ATRNL1: variants seen among roughly 807,000 people sequenced by gnomAD.
ATRNL1 encodes the protein attractin like 1, also known as attractin-like protein 1.
In ATRNL1, 95 loss-of-function variants were observed where a neutral mutation model predicts 182.7. The observed-to-expected ratio is 0.52, with a 90% CI of 0.44 to 0.62. The LOEUF is 0.62. Ranked by LOEUF, ATRNL1 falls within the 20% of genes least tolerant of loss-of-function variation. The pLI is 0.00. For missense variants in ATRNL1, 1,471 were observed against 1,679.5 expected (o/e 0.88, Z 2.17); for synonymous variants, 576 against 568.3 (o/e 1.01, Z -0.19).
chr10:115,481,954 A>C (rs1258879997), intron 24 of ATRNL1, among the ~76,000 whole-genome samples: 1 of 151,060 alleles, frequency 6.6e-6, no homozygotes, highest in African/African-American at 2.4e-5. Flanking sequence ...AAGGTATTAA[A>C]GTATGAGTAC....
At chr10:115,757,251 T>G (rs1948614904) in intron 27 of ATRNL1, among the ~76,000 whole-genome samples, 1 of 152,192 alleles carries the variant, frequency 6.6e-6, no homozygotes, top group African/African-American at 2.4e-5. Context: ...TTCTTCCTAG[T>G]GTCGATGTTC....
At chr10:115,750,821 A>G (rs1391662515) in intron 27 of ATRNL1, among the ~76,000 whole-genome samples, 12 of 152,072 alleles carry the variant, frequency 7.9e-5, no homozygotes, top group South Asian at 2.1e-4. Context: ...GATAGTTTGC[A>G]TAACATAAAT....
At chr10:115,341,579 AAGAT>A (rs1554938347) in intron 19 of ATRNL1, among the ~76,000 whole-genome samples, 1 of 152,108 alleles carries the variant, frequency 6.6e-6, no homozygotes, top group African/African-American at 2.4e-5. Flanking sequence ...TCTTCGAAGA[AAGAT>A]CTGTTCATAG....
At chr10:115,696,870 CGAGAGAGA>C (rs138252590) in intron 26 of ATRNL1, among the ~76,000 whole-genome samples, 40 of 134,046 alleles carry the variant, frequency 3.0e-4, no homozygotes, top group South Asian at 1.2e-3. Context: ...CATATCAGAG[CGAGAGAGA>C]GAGAGAGAGA....
Position 115,693,616 on chromosome 10 carries a change from A to G in ATRNL1, c.3796-33632A>G, listed in dbSNP as rs567862331. Among the ~76,000 whole-genome samples the G allele has an allele frequency of 2.0e-5, 3 of 152,252 alleles. No homozygotes were observed. In the South Asian group the frequency reaches 6.2e-4, roughly 32 times the overall value. Reference sequence around the variant, plus strand: ...TGAACATCACAGAGTTTCCTTAAAGAAACCCAGATAGGATAGCCTACTACA... The same window carrying G: ...TGAACATCACAGAGTTTCCTTAAAGGAACCCAGATAGGATAGCCTACTACA... On this transcript the variant is annotated intron_variant, in intron 26 of 28. Transcript: ENST00000355044.
At chr10:115,801,330 GA>G (rs1322409149) in intron 27 of ATRNL1, among the ~76,000 whole-genome samples, 1 of 152,120 alleles carries the variant, frequency 6.6e-6, no homozygotes, top group Non-Finnish European at 1.5e-5. Flanking sequence ...ACTTAAGGTG[GA>G]ATAGGGTACC....
intron 9 of ATRNL1, among the ~76,000 whole-genome samples, chr10:115,230,921 GAAA>G (rs1849919043): frequency 8.0e-6 from 1 of 125,284 alleles, no homozygotes; most frequent in East Asian, 2.6e-4. Flanking sequence ...GAGAGAGAGA[GAAA>G]GAGAGAAATA....
intron 27 of ATRNL1, among the ~76,000 whole-genome samples, chr10:115,841,919 T>C (rs1462526919): frequency 6.6e-6 from 1 of 152,070 alleles, no homozygotes; most frequent in Admixed American, 6.6e-5. Context: ...ACTCAGTAAA[T>C]TAATTCAATT....
In ATRNL1 at chr10:115,945,898, G is replaced by T. The variant is rs1326026125; in HGVS notation, c.*1119G>T. On this transcript the variant is annotated 3_prime_UTR_variant, in exon 29 of 29. Transcript: ENST00000355044. ...TCCATGTCCTGAGAAAAAGTCTGTGGTTTAGAAAATATGTCCATGGTTGCC... is the reference window on the plus strand; with the variant it reads ...TCCATGTCCTGAGAAAAAGTCTGTGTTTTAGAAAATATGTCCATGGTTGCC... The T allele has an allele frequency of 1.3e-5, 2 of 152,114 alleles. No homozygotes were observed. The highest frequency in any genetic ancestry group is 4.8e-5 in the African/African-American group (2 of 41,416). The allele number at this position is 152,114 out of a possible 1,614,324, so 9.4% of individuals were successfully genotyped here.
At chr10:115,318,849 A>T (rs1265845331) in intron 18 of ATRNL1, among the ~76,000 whole-genome samples, 2 of 151,788 alleles carry the variant, frequency 1.3e-5, no homozygotes, top group African/African-American at 4.8e-5. Flanking sequence ...CCAGCTCCTG[A>T]ATTCATTGAT....
At chr10:115,640,294 A>C (rs532506207) in intron 26 of ATRNL1, among the ~76,000 whole-genome samples, 1 of 152,278 alleles carries the variant, frequency 6.6e-6, no homozygotes, top group African/African-American at 2.4e-5. Context: ...TATACCCAGT[A>C]ATGGGATTGC....
chr10:115,281,298 G>C, intron 13 of ATRNL1, 57 bp from the exon 14 acceptor site: 73 of 1,501,150 alleles, frequency 4.9e-5, no homozygotes, highest in Non-Finnish European at 6.1e-5. Flanking sequence ...ATACACTGAA[G>C]TTTAAGAATC....
At chr10:115,426,323 C>T (rs1554962897) in intron 21 of ATRNL1, 21 bp downstream of exon 21, 8 of 1,553,160 alleles carry the variant, frequency 5.2e-6, no homozygotes, top group Admixed American at 1.7e-5. Flanking sequence ...GTGTATTCTT[C>T]ATTTTAAATA....
chr10:115,564,256 TTATAG>T (rs1249065836), intron 26 of ATRNL1, among the ~76,000 whole-genome samples: 1 of 152,020 alleles, frequency 6.6e-6, no homozygotes, highest in African/African-American at 2.4e-5. Context: ...ATGTTAACTA[TTATAG>T]TATATTAATT....
intron 10 of ATRNL1, among the ~76,000 whole-genome samples, chr10:115,260,263 A>G (rs1217419096): frequency 6.6e-6 from 1 of 152,220 alleles, no homozygotes; most frequent in Admixed American, 6.5e-5. Context: ...CAGTGGGATT[A>G]AATGAAAGTA....
chr10:115,127,289 T>C (rs1428236343), intron 3 of ATRNL1, among the ~76,000 whole-genome samples: 4 of 152,076 alleles, frequency 2.6e-5, no homozygotes, highest in Non-Finnish European at 5.9e-5. Flanking sequence ...GACTACCCTG[T>C]AGTATTATGA....
At chr10:115,530,140 GTTCT>G (rs1189999427) in intron 25 of ATRNL1, among the ~76,000 whole-genome samples, 5 of 151,986 alleles carry the variant, frequency 3.3e-5, no homozygotes, top group Non-Finnish European at 7.4e-5. Flanking sequence ...GGTTATTTGA[GTTCT>G]TTCTTCTTTT....
intron 10 of ATRNL1, among the ~76,000 whole-genome samples, chr10:115,257,456 C>CT (rs1235604524): frequency 1.3e-5 from 2 of 152,134 alleles, no homozygotes; most frequent in Non-Finnish European, 2.9e-5. Context: ...GCAATCCCTA[C>CT]TTTTTTTTGC....
chr10:115,633,197 C>T (rs1555026992), intron 26 of ATRNL1, among the ~76,000 whole-genome samples: 2 of 152,160 alleles, frequency 1.3e-5, no homozygotes, highest in East Asian at 3.9e-4. Flanking sequence ...AGGCGTGAGC[C>T]ACTACACCTG....
Sources: gnomAD v4.1 joint callset for allele counts (sites outside exome capture counted in the v4.1 genomes callset) on GRCh38, gnomAD v4.1.1 for gene constraint, MANE v1.5 for transcripts, NCBI Gene and HGNC (gene_info 2026-07-23, HGNC 2026-07-21) for gene names.